The following PDGFRB variants were observed in gnomAD, a reference collection of about 807,000 sequenced individuals.
PDGFRB encodes the protein platelet derived growth factor receptor beta.
A neutral mutation model predicts 120.2 loss-of-function variants in PDGFRB; 42 were observed. The observed-to-expected ratio is 0.35, with a 90% CI of 0.27 to 0.45. The LOEUF (loss-of-function observed/expected upper bound fraction) is 0.45. PDGFRB is among the 20% of genes least tolerant of loss of function. PDGFRB has a pLI of 1.00. For synonymous variants in PDGFRB, 586 were observed against 606.8 expected (o/e 0.97, Z 0.50); for missense variants, 1,149 against 1,476.3 (o/e 0.78, Z 3.63).
In PDGFRB at chr5:150,144,705, G is replaced by A. The variant is rs915171226; in HGVS notation, c.-6-7652C>T. The stretch of plus-strand genomic sequence containing the variant: ...AGTGTGTGCCTCACGGCTGCTGGGG[G>A]CCCAAGGGAGGGGGCCTGGGTCCCC... On this transcript the variant is annotated intron_variant, in intron 1 of 22. Coordinates refer to ENST00000261799, the MANE Select transcript of PDGFRB (RefSeq NM_002609.4). Among the ~76,000 whole-genome samples the A allele has an allele frequency of 1.7e-4, 26 of 152,290 alleles. No homozygotes were observed. In the East Asian group the frequency reaches 4.5e-3, roughly 26 times the overall value.
intron 2 of PDGFRB, 50 bp downstream of exon 2, chr5:150,136,958 T>A (rs1195218074): frequency 6.9e-7 from 1 of 1,445,494 alleles, no homozygotes; most frequent in Non-Finnish European, 9.7e-7. Flanking sequence ...AGCTCCAGGG[T>A]TCCACTCCGC....
At chr5:150,143,240 A>G (rs116542609) in intron 1 of PDGFRB, among the ~76,000 whole-genome samples, 7,676 of 152,364 alleles carry the variant, frequency 0.05, 235 homozygotes, top group South Asian at 0.071. Context: ...TTTTTGGACC[A>G]CAGTTGATCT....
At position 150,132,187 on chromosome 5, in the gene PDGFRB, G is replaced by A. The variant is rs936610558; in HGVS notation, c.1128-93C>T. 8.6e-6 allele frequency: 6 copies of A among 697,932 alleles called. No individual in the cohort carries two copies. The highest frequency in any genetic ancestry group is 1.5e-5 in the Non-Finnish European group (6 of 394,398). 43.2% of individuals were successfully genotyped at this position (697,932 alleles called of 1,614,324 possible). ...TAAAGAGGAACAAGGCCCAGGGAGG[G>A]GAAGGGCTTGCCAAGGTCATCTCGG... On this transcript the variant is annotated intron_variant, in intron 7 of 22. Coordinates refer to ENST00000261799, the MANE Select transcript of PDGFRB (RefSeq NM_002609.4). This position sits in a 1 kb window ranked among gnomAD's most constrained non-coding sequence, Gnocchi z 5.0.
Position 150,132,242 on chromosome 5 carries a change from G to A in PDGFRB, c.1128-148C>T. The A allele has an allele frequency of 1.6e-6, 1 of 608,518 alleles. No homozygotes were observed. The allele number at this position is 608,518 out of a possible 1,614,324, so 37.7% of individuals were successfully genotyped here. Reference sequence around the variant, plus strand: ...GGTAGCAGAGCCGGGACTCAAACCAGGTCTCGTAAATCCTCACCCACAGGC... The same window carrying A: ...GGTAGCAGAGCCGGGACTCAAACCAAGTCTCGTAAATCCTCACCCACAGGC... On this transcript the variant is annotated intron_variant, in intron 7 of 22. Transcript: ENST00000261799. This position sits in a 1 kb window ranked among gnomAD's most constrained non-coding sequence, Gnocchi z 5.0.
At chr5:150,129,355 G>A (rs1760386251) in intron 10 of PDGFRB, among the ~76,000 whole-genome samples, 1 of 152,078 alleles carries the variant, frequency 6.6e-6, no homozygotes, top group South Asian at 2.1e-4. Context: ...GTGCACAGGT[G>A]TATGCTTATA....
intron 12 of PDGFRB, 26 bp from the exon 13 acceptor site, chr5:150,124,857 C>T: frequency 7.9e-7 from 1 of 1,260,124 alleles, no homozygotes; most frequent in Non-Finnish European, 1.1e-6. Flanking sequence ...TCCATTAGCT[C>T]CTGGCCTACC....
intron 21 of PDGFRB, 45 bp downstream of exon 21, chr5:150,118,702 G>T (rs1243182354): frequency 2.5e-6 from 3 of 1,180,268 alleles, no homozygotes; most frequent in Admixed American, 3.4e-5. Flanking sequence ...TCTGACTTCT[G>T]CACCAGAGCT....
In PDGFRB at chr5:150,135,019, G is replaced by A. The variant is rs2113911237; in HGVS notation, c.365-3C>T. On this transcript the variant is annotated splice_region_variant and splice_polypyrimidine_tract_variant and intron_variant, in intron 3 of 22. Coordinates refer to ENST00000261799, the MANE Select transcript of PDGFRB (RefSeq NM_002609.4). ...AGGGAGGAAGCCCACGGTGGGATCT[G>A]CCAGGAGTGGAGCCGTGAATAAATC... 6.8e-7 allele frequency: 1 copy of A among 1,471,100 alleles called. No homozygotes were observed. The highest frequency in any genetic ancestry group is 1.2e-5 in the South Asian group (1 of 84,940). The allele number at this position is 1,471,100 out of a possible 1,614,324, so 91.1% of individuals were successfully genotyped here. A position where few individuals can be genotyped will look rare whatever the true frequency, so the allele number is the denominator to read the frequency against.
chr5:150,125,226 G>A (rs920452515), intron 12 of PDGFRB, among the ~76,000 whole-genome samples: 6 of 152,112 alleles, frequency 3.9e-5, no homozygotes, highest in Non-Finnish European at 7.3e-5. Flanking sequence ...TAGGGATCCC[G>A]TCTCACAGGG....
chr5:150,128,278 CCACTTGCT>C (rs1562000469), intron 10 of PDGFRB, among the ~76,000 whole-genome samples: 2 of 152,210 alleles, frequency 1.3e-5, no homozygotes, highest in Non-Finnish European at 2.9e-5. Context: ...GCCCAGATAC[CCACTTGCT>C]CAGAGAATGT....
chr5:150,154,335 A>C (rs993409605), intron 1 of PDGFRB, among the ~76,000 whole-genome samples: 2 of 152,170 alleles, frequency 1.3e-5, no homozygotes, highest in African/African-American at 4.8e-5. Context: ...GTAATGGGGC[A>C]CGGGGAGATT....
chr5:150,134,907 C>T lies in PDGFRB; in HGVS notation c.474G>A (p.Val158=), dbSNP rs2113910944. 1.2e-6 allele frequency: 2 copies of T among 1,614,028 alleles called. No homozygotes were observed. The highest frequency in any genetic ancestry group is 2.2e-5 in the South Asian group (2 of 91,074). The change falls in exon 4 of 23, where the codon GTG becomes GTA. Residue 158 remains valine, a synonymous_variant. Coordinates refer to ENST00000261799, the MANE Select transcript of PDGFRB (RefSeq NM_002609.4). ...PCRVTDPQLV[V]TLHEKKGDVA... ...CGTCCCCTTTCTTCTCGTGCAGTGT[C>T]ACCACCAGCTGTGGGTCTGTTACTC...
intron 8 of PDGFRB, among the ~76,000 whole-genome samples, chr5:150,131,184 A>G (rs1760454267): frequency 6.6e-6 from 1 of 152,186 alleles, no homozygotes; most frequent in Non-Finnish European, 1.5e-5. Context: ...CGGTCATAGT[A>G]AAAGCCAAAG....
rs1760607934 is a variant in PDGFRB, at chr5:150,135,685, A to G, written c.234T>C (p.Asp78=). ...GTGTGAGCACGCTGGAGAAGGTGCC[A>G]TCCTGGGCCTTGGCCATTTCCTGTG... is the stretch of plus-strand genomic sequence containing the variant. ...EPPQEMAKAQ[D]GTFSSVLTLT... is the part of the protein sequence containing the mutation. The change falls in exon 3 of 23, where the codon GAT becomes GAC. Residue 78 remains aspartate, a synonymous_variant. Coordinates refer to ENST00000261799, the MANE Select transcript of PDGFRB (RefSeq NM_002609.4). The G allele has an allele frequency of 1.2e-6, 2 of 1,614,120 alleles. No homozygotes were observed. Among genetic ancestry groups the G allele is most frequent in the East Asian group, 4.5e-5 (2 of 44,878 alleles).
At chr5:150,119,865 A>T in intron 19 of PDGFRB, 147 bp downstream of exon 19, 1 of 646,750 alleles carries the variant, frequency 1.5e-6, no homozygotes, top group South Asian at 1.8e-5. Flanking sequence ...CTAACATCAC[A>T]CAGCAGGGAG....
At chr5:150,117,924 G>C (rs1016469644) in intron 21 of PDGFRB, 74 bp from the exon 22 acceptor site, 11 of 805,852 alleles carry the variant, frequency 1.4e-5, no homozygotes, top group African/African-American at 6.8e-5. Context: ...TCTTCTAACC[G>C]AGCCCATCCC....
At chr5:150,143,906 A>G (rs1208000900) in intron 1 of PDGFRB, among the ~76,000 whole-genome samples, 2 of 152,060 alleles carry the variant, frequency 1.3e-5, no homozygotes, top group Admixed American at 1.3e-4. Context: ...CTACAGAAAG[A>G]GAGCAGCCCG....
chr5:150,137,159 C>A (rs888861519), intron 1 of PDGFRB, 106 bp from the exon 2 acceptor site: 4 of 868,448 alleles, frequency 4.6e-6, no homozygotes, highest in East Asian at 2.7e-5. Context: ...GGCCACCCAG[C>A]CTTCATGTCC....
At chr5:150,135,915 G>A (rs775153786) in intron 2 of PDGFRB, 37 bp from the exon 3 acceptor site, 2 of 1,437,180 alleles carry the variant, frequency 1.4e-6, no homozygotes, top group Non-Finnish European at 1.9e-6. Flanking sequence ...AGGAAACAGG[G>A]GCTTCAGCAC....
Sources: gnomAD v4.1 joint callset for allele counts (sites outside exome capture counted in the v4.1 genomes callset) on GRCh38, gnomAD v4.1.1 for gene constraint, Gnocchi (gnomAD v3.1) non-coding constraint, MANE v1.5 for transcripts, NCBI Gene and HGNC (gene_info 2026-07-23, HGNC 2026-07-21) for gene names.